NEDD4L: variants seen among roughly 807,000 people sequenced by gnomAD.
NEDD4L encodes the protein E3 ubiquitin-protein ligase NEDD4-like.
In NEDD4L, 54 loss-of-function variants were observed where a neutral mutation model predicts 148.9. The observed-to-expected ratio is 0.36, with a 90% CI of 0.29 to 0.45. The LOEUF (loss-of-function observed/expected upper bound fraction) is 0.45, where lower values mean the gene tolerates loss of function less well. NEDD4L is among the 20% of genes least tolerant of loss of function. The pLI is 1.00. For synonymous variants in NEDD4L, 433 were observed against 440.7 expected, an observed-to-expected ratio of 0.98 and a Z score of 0.22; for missense variants, 856 against 1,233.8, an observed-to-expected ratio of 0.69 and a Z score of 4.59.
chr18:58,287,787 ACG>A, intron 5 of NEDD4L, among the ~76,000 whole-genome samples: 1 of 152,196 alleles, frequency 6.6e-6, no homozygotes, highest in South Asian at 2.1e-4. Flanking sequence ...TGTGAGTTGC[ACG>A]TGTGCGCGAG....
At chr18:58,140,162 G>A (rs1293308052) in intron 1 of NEDD4L, among the ~76,000 whole-genome samples, 2 of 152,142 alleles carry the variant, frequency 1.3e-5, no homozygotes, top group East Asian at 3.9e-4. Flanking sequence ...AGAGGGCCCC[G>A]ATCTAGCTAA....
At chr18:58,121,216 A>T (rs1256853431) in intron 1 of NEDD4L, among the ~76,000 whole-genome samples, 1 of 152,126 alleles carries the variant, frequency 6.6e-6, no homozygotes, top group Admixed American at 6.5e-5. Context: ...AAGGATTCTC[A>T]CGTGTGTTAT....
intron 30 of NEDD4L, 25 bp from the exon 31 acceptor site, chr18:58,396,142 C>T (rs1452891724): frequency 6.5e-7 from 1 of 1,531,240 alleles, no homozygotes; most frequent in Non-Finnish European, 9.0e-7. Flanking sequence ...TGGCTTTTCA[C>T]CTACACTTTT....
At chr18:58,345,215 C>G (rs529713771) in intron 16 of NEDD4L, among the ~76,000 whole-genome samples, 13 of 152,322 alleles carry the variant, frequency 8.5e-5, no homozygotes, top group Admixed American at 2.0e-4. Flanking sequence ...CAAGCTACTC[C>G]CCTTCTTAAG....
intron 6 of NEDD4L, 29 bp downstream of exon 6, chr18:58,316,061 G>T: frequency 6.3e-7 from 1 of 1,583,012 alleles, no homozygotes; most frequent in Non-Finnish European, 8.7e-7. Context: ...TTGATGCTTC[G>T]TGCTGGGGGC....
chr18:58,154,186 G>A (rs930734327), intron 1 of NEDD4L, among the ~76,000 whole-genome samples: 6 of 152,198 alleles, frequency 3.9e-5, no homozygotes, highest in African/African-American at 1.2e-4. Flanking sequence ...TTTCCTGAAA[G>A]GAACACTGTG....
chr18:58,335,263 G>C (rs1471748819), intron 12 of NEDD4L, among the ~76,000 whole-genome samples: 1 of 152,178 alleles, frequency 6.6e-6, no homozygotes, highest in Non-Finnish European at 1.5e-5. Flanking sequence ...TGTTTACCCA[G>C]GTCAAGGATG....
In NEDD4L at chr18:58,194,237, C is replaced by T. The variant is rs115173031; in HGVS notation, c.122+28376C>T. Among the ~76,000 whole-genome samples, 761 of 152,252 alleles carry T rather than the reference C, an allele frequency of 5.0e-3. 6 individuals carry two copies. Among genetic ancestry groups the T allele is most frequent in the African/African-American group, 0.018 (736 of 41,532 alleles). ...AGAGGAGATGGGAGATGGTGTAGGG[C>T]TCATGACTGTAAAAGCAGGAGCCAC... On this transcript the variant is annotated intron_variant, in intron 2 of 30. Coordinates refer to ENST00000400345, the MANE Select transcript of NEDD4L (RefSeq NM_001144967.3).
At chr18:58,319,297 G>A (rs1476810611) in intron 6 of NEDD4L, among the ~76,000 whole-genome samples, 3 of 152,236 alleles carry the variant, frequency 2.0e-5, no homozygotes, top group Non-Finnish European at 4.4e-5. Flanking sequence ...AGCCTGTGAT[G>A]TGGTCAAGGG....
chr18:58,160,330 G>A (rs555287834), intron 1 of NEDD4L, among the ~76,000 whole-genome samples: 11 of 152,228 alleles, frequency 7.2e-5, no homozygotes, highest in Non-Finnish European at 1.2e-4. Flanking sequence ...TTATGGCTCG[G>A]GCACCTTATC....
intron 18 of NEDD4L, among the ~76,000 whole-genome samples, chr18:58,355,271 C>T (rs1359407804): frequency 2.0e-5 from 3 of 152,074 alleles, no homozygotes; most frequent in African/African-American, 4.8e-5. Context: ...AGGGTTGGTC[C>T]GGGACCACCA....
intron 15 of NEDD4L, 69 bp downstream of exon 15, chr18:58,341,866 C>T: frequency 6.4e-7 from 1 of 1,550,536 alleles, no homozygotes; most frequent in East Asian, 2.4e-5. Context: ...TCTCTCTTAA[C>T]TCTGCCTTCA....
At chr18:58,333,278 TA>T (rs910110108) in intron 11 of NEDD4L, among the ~76,000 whole-genome samples, 7,998 of 129,198 alleles carry the variant, frequency 0.062, 340 homozygotes, top group African/African-American at 0.14. Context: ...ACTCTATATT[TA>T]AAAAAAAAAA....
intron 2 of NEDD4L, among the ~76,000 whole-genome samples, chr18:58,179,928 A>G (rs1568338043): frequency 6.6e-6 from 1 of 152,036 alleles, no homozygotes; most frequent in Admixed American, 6.6e-5. Context: ...CCAACCCCCA[A>G]ACCAGCCTGG....
At chr18:58,207,200 T>C (rs2042065270) in intron 2 of NEDD4L, among the ~76,000 whole-genome samples, 1 of 152,226 alleles carries the variant, frequency 6.6e-6, no homozygotes, top group Admixed American at 6.5e-5. Context: ...GACAAGTAGC[T>C]GTATATCACG....
At chr18:58,162,688 G>A (rs989609583) in intron 1 of NEDD4L, among the ~76,000 whole-genome samples, 1 of 151,362 alleles carries the variant, frequency 6.6e-6, no homozygotes, top group Non-Finnish European at 1.5e-5. Flanking sequence ...TAACGTGTCT[G>A]GCACGTGATG....
In NEDD4L at chr18:58,086,688, T is replaced by G. The variant is rs2083777288; in HGVS notation, c.48+41980T>G. ...CTTCACTATTTTCTATTCAAAAAAG[T>G]ATTTTTGAATCCAAGGGAATTAGAG... On this transcript the variant is annotated intron_variant, in intron 1 of 30. Coordinates refer to ENST00000400345, the MANE Select transcript of NEDD4L (RefSeq NM_001144967.3). Among the ~76,000 whole-genome samples, 2 of 152,192 alleles carry G rather than the reference T, an allele frequency of 1.3e-5. 1 individual carries two copies. The highest frequency in any genetic ancestry group is 4.1e-4 in the South Asian group (2 of 4,834).
intron 1 of NEDD4L, chr18:58,045,075 G>A (rs1215669324): frequency 2.5e-6 from 1 of 406,134 alleles, no homozygotes; most frequent in Non-Finnish European, 4.3e-6. Context: ...CCTGCAGCCC[G>A]GGAGTCCATG....
intron 5 of NEDD4L, among the ~76,000 whole-genome samples, chr18:58,263,175 C>T (rs1219375442): frequency 6.6e-6 from 1 of 152,196 alleles, no homozygotes; most frequent in Non-Finnish European, 1.5e-5. Context: ...CCTGCACAAC[C>T]TCCCTATTTC....
Sources: allele counts gnomAD v4.1 joint callset (sites outside exome capture counted in the v4.1 genomes callset), GRCh38; gene constraint gnomAD v4.1.1; transcripts MANE v1.5; gene names NCBI Gene and HGNC (gene_info 2026-07-23, HGNC 2026-07-21).